MYRIP: variants seen among roughly 807,000 people sequenced by gnomAD.
MYRIP encodes myosin VIIA and Rab interacting protein, also known as rab effector MyRIP.
A neutral mutation model predicts 98.0 loss-of-function variants in MYRIP; 49 were observed. The observed-to-expected ratio is 0.50, with a 90% CI of 0.40 to 0.63. The LOEUF is 0.63. Ranked by LOEUF, MYRIP falls within the 30% of genes least tolerant of loss-of-function variation. The pLI, the probability that MYRIP is intolerant of heterozygous loss-of-function variation, is 0.00. For synonymous variants in MYRIP, 404 were observed against 409.5 expected, an observed-to-expected ratio of 0.99 and a Z score of 0.16; for missense variants, 1,004 against 1,058.2, an observed-to-expected ratio of 0.95 and a Z score of 0.71.
chr3:39,884,216 A>G (rs1049649885), intron 1 of MYRIP, among the ~76,000 whole-genome samples: 36 of 152,122 alleles, frequency 2.4e-4, no homozygotes, highest in African/African-American at 7.7e-4. Flanking sequence ...TTTCAGAACA[A>G]GCAAAACCAC....
chr3:39,976,975 A>C (rs1287058483), intron 2 of MYRIP, among the ~76,000 whole-genome samples: 1 of 152,162 alleles, frequency 6.6e-6, no homozygotes, highest in Non-Finnish European at 1.5e-5. Flanking sequence ...GCAGGACACC[A>C]ACATGGACAT....
chr3:39,876,242 C>T lies in MYRIP; in HGVS notation c.-30-24545C>T, dbSNP rs939444859. 2.4e-4 allele frequency among the ~76,000 whole-genome samples: 37 copies of T among 152,196 alleles called. 2 individuals are homozygous for T. The highest frequency in any genetic ancestry group is 1.6e-3 in the Admixed American group (24 of 15,288). The stretch of plus-strand genomic sequence containing the variant: ...TTTTGAACCTATGTGTGTCTGTCCA[C>T]GTGAGATGGGTTTCCTGAATACAGC... On this transcript the variant is annotated intron_variant, in intron 1 of 16. Transcript: ENST00000302541.
At chr3:40,256,722 T>C (rs1196034149) in intron 16 of MYRIP, among the ~76,000 whole-genome samples, 1 of 152,062 alleles carries the variant, frequency 6.6e-6, no homozygotes, top group Non-Finnish European at 1.5e-5. Flanking sequence ...ACTTAAAATT[T>C]ATTAAACCTT....
At chr3:40,028,354 C>T (rs571399650) in intron 2 of MYRIP, among the ~76,000 whole-genome samples, 5 of 152,312 alleles carry the variant, frequency 3.3e-5, no homozygotes, top group Middle Eastern at 3.4e-3. Flanking sequence ...TGAGCTAACA[C>T]TTCACACCCC....
intron 3 of MYRIP, among the ~76,000 whole-genome samples, chr3:40,136,533 C>A (rs1250392270): frequency 2.6e-5 from 4 of 152,118 alleles, no homozygotes; most frequent in Non-Finnish European, 5.9e-5. Flanking sequence ...ACCAAGTGGA[C>A]CTAATAGACA....
chr3:39,832,616 G>A (rs564723761), intron 1 of MYRIP, among the ~76,000 whole-genome samples: 3 of 152,228 alleles, frequency 2.0e-5, no homozygotes, highest in Admixed American at 1.3e-4. Flanking sequence ...AGCATCAAAA[G>A]CAAGTTTTGT....
intron 2 of MYRIP, among the ~76,000 whole-genome samples, chr3:39,970,549 TC>T: frequency 6.6e-6 from 1 of 152,236 alleles, no homozygotes; most frequent in East Asian, 1.9e-4. Context: ...TTTCTACTTT[TC>T]CCCACTTATT....
chr3:40,197,051 C>T (rs942100338), intron 10 of MYRIP, among the ~76,000 whole-genome samples: 2 of 152,156 alleles, frequency 1.3e-5, no homozygotes, highest in East Asian at 3.8e-4. Flanking sequence ...CAGGGGTCCC[C>T]AGCCTTTTTG....
intron 1 of MYRIP, among the ~76,000 whole-genome samples, chr3:39,831,507 AC>A (rs1234731307): frequency 4.6e-5 from 7 of 152,088 alleles, no homozygotes; most frequent in Non-Finnish European, 8.8e-5. Context: ...GTGGCTTAAA[AC>A]TTTTTCTTAA....
intron 2 of MYRIP, among the ~76,000 whole-genome samples, chr3:40,025,579 G>A (rs964720866): frequency 2.0e-5 from 3 of 152,122 alleles, no homozygotes; most frequent in African/African-American, 7.2e-5. Context: ...TGAGGTATTG[G>A]GGGAACCCGC....
intron 3 of MYRIP, among the ~76,000 whole-genome samples, chr3:40,083,364 A>T (rs1345004402): frequency 6.6e-6 from 1 of 152,222 alleles, no homozygotes; most frequent in Non-Finnish European, 1.5e-5. Context: ...GGAGGCCAGA[A>T]GGGAAGAAGC....
chr3:40,234,992 C>CAAAAA (rs34515561), intron 12 of MYRIP, among the ~76,000 whole-genome samples: 1 of 111,590 alleles, frequency 9.0e-6, no homozygotes. Flanking sequence ...GACCCTGTCT[C>CAAAAA]AAAAAAAAAA....
At chr3:39,981,707 G>T (rs918853849) in intron 2 of MYRIP, among the ~76,000 whole-genome samples, 6 of 152,180 alleles carry the variant, frequency 3.9e-5, no homozygotes, top group African/African-American at 1.4e-4. Context: ...CCAAGTTCCT[G>T]AAGAGACAAT....
chr3:40,026,094 T>G (rs1480780330), intron 2 of MYRIP, among the ~76,000 whole-genome samples: 1 of 152,090 alleles, frequency 6.6e-6, no homozygotes, highest in African/African-American at 2.4e-5. Context: ...TCAGTCCTTA[T>G]CTCAGCCGCA....
At chr3:40,181,968 C>T (rs1239107452) in intron 8 of MYRIP, among the ~76,000 whole-genome samples, 1 of 152,136 alleles carries the variant, frequency 6.6e-6, no homozygotes, top group Non-Finnish European at 1.5e-5. Context: ...AAGAAAGAGC[C>T]GTATGAGAGC....
chr3:39,885,636 A>G (rs1943276610), intron 1 of MYRIP, among the ~76,000 whole-genome samples: 1 of 152,066 alleles, frequency 6.6e-6, no homozygotes, highest in South Asian at 2.1e-4. Context: ...AGGTACACCA[A>G]TCAGACATAG....
At chr3:39,980,162 C>T (rs1029601789) in intron 2 of MYRIP, among the ~76,000 whole-genome samples, 1 of 151,780 alleles carries the variant, frequency 6.6e-6, no homozygotes, top group Non-Finnish European at 1.5e-5. Context: ...AGAATGCTCT[C>T]GGGAAGAGGA....
chr3:40,243,809 G>A (rs1953100011), intron 12 of MYRIP, among the ~76,000 whole-genome samples: 1 of 152,088 alleles, frequency 6.6e-6, no homozygotes, highest in African/African-American at 2.4e-5. Flanking sequence ...TTCTTTATCA[G>A]ACTTGCTCTC....
At chr3:39,919,727 T>TGAGAGA (rs71091779) in intron 2 of MYRIP, among the ~76,000 whole-genome samples, 9 of 123,492 alleles carry the variant, frequency 7.3e-5, no homozygotes, top group African/African-American at 2.1e-4. Flanking sequence ...TGTGTGTGTG[T>TGAGAGA]GAGAGAGAGA....
Sources: gnomAD v4.1 joint callset for allele counts (sites outside exome capture counted in the v4.1 genomes callset) on GRCh38, gnomAD v4.1.1 for gene constraint, MANE v1.5 for transcripts, NCBI Gene and HGNC (gene_info 2026-07-23, HGNC 2026-07-21) for gene names.